The following ARMC5 variants were observed in gnomAD, a reference collection of about 807,000 sequenced individuals.
ARMC5 encodes armadillo repeat containing 5.
In ARMC5, 28 loss-of-function variants were observed where a neutral mutation model predicts 60.5. The ratio of observed to expected loss-of-function variants is 0.46; its 90% CI spans 0.34 to 0.63. The LOEUF (loss-of-function observed/expected upper bound fraction) is 0.63. Ranked by LOEUF, ARMC5 falls within the 30% of genes least tolerant of loss-of-function variation. ARMC5 has a pLI of 0.01. For missense variants in ARMC5, 1,189 were observed against 1,304.9 expected (o/e 0.91, Z 1.37); for synonymous variants, 680 against 607.3 (o/e 1.12, Z -1.76).
At chr16:31,465,743 C>T (rs1466891100) in intron 4 of ARMC5, 107 bp from the exon 5 acceptor site, 4 of 1,552,590 alleles carry the variant, frequency 2.6e-6, no homozygotes, top group Non-Finnish European at 3.4e-6. Context: ...CCTGATTTCT[C>T]ACCCAGAGGT....
upstream of ARMC5, chr16:31,458,472 T>C (rs1333589686): frequency 6.5e-7 from 1 of 1,535,676 alleles, no homozygotes; most frequent in Non-Finnish European, 8.7e-7. Flanking sequence ...CAGAGCCACA[T>C]CGGAAGCTTC....
At position 31,459,638 on chromosome 16, in the gene ARMC5, AC is replaced by A; in HGVS notation, c.118del (p.Leu40Ter). On this transcript the variant is annotated frameshift_variant, in exon 1 of 6. Transcript: ENST00000268314. LOFTEE classifies it high-confidence loss of function. Reference sequence around the variant, plus strand: ...AAAAGGACCCAGCGACCAACGAGACACCCCTGAGCCGCGCGCTCCTAGCCCT... The same window carrying A: ...AAAAGGACCCAGCGACCAACGAGACACCCTGAGCCGCGCGCTCCTAGCCCT... The part of the protein sequence containing the change: ...GEKDPATNET[P>X]LSRALLALRT... 1 of 1,587,782 alleles carries A rather than the reference AC, an allele frequency of 6.3e-7. No homozygotes were observed. The highest frequency in any genetic ancestry group is 2.2e-5 in the East Asian group (1 of 44,702).
At chr16:31,458,603 T>G, upstream of ARMC5, 1 of 1,455,398 alleles carries the variant, frequency 6.9e-7, no homozygotes, top group Non-Finnish European at 9.2e-7. Context: ...TTGGGGCTTG[T>G]AGACGGTTGC....
upstream of ARMC5, chr16:31,458,395 C>A: frequency 6.5e-7 from 1 of 1,535,690 alleles, no homozygotes; most frequent in Non-Finnish European, 8.7e-7. Context: ...AGGGCCGAAG[C>A]GATGGTCACA....
upstream of ARMC5, chr16:31,459,248 T>G: frequency 6.5e-7 from 1 of 1,533,184 alleles, no homozygotes; most frequent in Admixed American, 2.0e-5. Context: ...TGGAAGAGTT[T>G]CCAGCGCTTC....
chr16:31,462,234 C>T lies in ARMC5; in HGVS notation c.687C>T (p.His229=). ...GTAACCTGGCAGACTCACCCCAGCA[C>T]CGCCTGGCCTTGGCACAGCAGGGAG... is the stretch of plus-strand genomic sequence containing the variant. The part of the protein sequence containing the change: ...ALRNLADSPQ[H]RLALAQQGAV... The change falls in exon 3 of 6, where the codon CAC becomes CAT. Residue 229 remains histidine (H), a synonymous_variant. Coordinates refer to ENST00000268314, the MANE Select transcript of ARMC5 (RefSeq NM_001105247.2). The surrounding 1 kb of genome is among the most constrained non-coding windows in gnomAD (Gnocchi z 7.2). 1.2e-6 allele frequency: 2 copies of T among 1,610,430 alleles called. No individual in the cohort carries two copies. The highest frequency in any genetic ancestry group is 1.1e-5 in the South Asian group (1 of 91,084).
chr16:31,459,962 G>A lies in ARMC5; in HGVS notation c.438G>A (p.Arg146=), dbSNP rs201280100. ...ATTGCTGTACGGAAGGGGCGTGCCGGACCGAAGTGCGCAGACTCGGAGGCA... is the reference window on the plus strand; with the variant it reads ...ATTGCTGTACGGAAGGGGCGTGCCGAACCGAAGTGCGCAGACTCGGAGGCA... The part of the protein sequence containing the change: ...LADCCTEGAC[R]TEVRRLGGIL... The change falls in exon 1 of 6, where the codon CGG becomes CGA. Residue 146 remains arginine, a synonymous_variant. Transcript: ENST00000268314. 9.1e-3 allele frequency: 14,509 copies of A among 1,601,996 alleles called. 87 individuals carry two copies. Among genetic ancestry groups the A allele is most frequent in the Non-Finnish European group, 9.7e-3 (11,465 of 1,179,448 alleles).
upstream of ARMC5, chr16:31,458,340 G>C: frequency 6.8e-7 from 1 of 1,466,802 alleles, no homozygotes; most frequent in South Asian, 1.2e-5. Context: ...TGCTGGATCA[G>C]GTTGGAGCTG....
At position 31,459,895 on chromosome 16, in the gene ARMC5, G is replaced by A. The variant is rs1415588224; in HGVS notation, c.371G>A (p.Arg124His). 1 of 1,605,880 alleles carries A rather than the reference G, an allele frequency of 6.2e-7. No individual in the cohort carries two copies. Among genetic ancestry groups the A allele is most frequent in the Non-Finnish European group, 8.5e-7 (1 of 1,179,838 alleles). The change falls in exon 1 of 6, where the codon CGC becomes CAC. Residue 124 changes from arginine (R) to histidine (H), a missense_variant. Around this residue, in one of 2 missense-constraint regions of ARMC5, gnomAD observed 327 missense variants for 233.7 expected, o/e 1.40. Coordinates refer to ENST00000268314, the MANE Select transcript of ARMC5 (RefSeq NM_001105247.2). ...VSSSSPTPPV[R>H]LRKTLDLALS... ...TCGTCTAGTCCTACGCCGCCAGTGC[G>A]CCTGCGCAAGACGCTGGACTTGGCG...
chr16:31,459,654 C>A lies in ARMC5; in HGVS notation c.130C>A (p.Leu44Ile). The change falls in exon 1 of 6, where the codon CTC becomes ATC. Residue 44 changes from leucine to isoleucine, a missense_variant. Physicochemically the swap from Leu to Ile is conservative, Grantham distance 5. Around this residue, in one of 2 missense-constraint regions of ARMC5, gnomAD observed 327 missense variants for 233.7 expected, o/e 1.40. Transcript: ENST00000268314. ...ATNETPLSRA[L>I]LALRTRHIKA... ...CAACGAGACACCCCTGAGCCGCGCG[C>A]TCCTAGCCCTCCGCACGCGCCACAT... 1.9e-6 allele frequency: 3 copies of A among 1,584,378 alleles called. No homozygotes were observed. Among genetic ancestry groups the A allele is most frequent in the Non-Finnish European group, 2.6e-6 (3 of 1,173,346 alleles).
intron 4 of ARMC5, chr16:31,465,277 C>T: frequency 6.7e-7 from 1 of 1,500,022 alleles, no homozygotes; most frequent in Non-Finnish European, 8.9e-7. Flanking sequence ...ACTGCCCTGT[C>T]TGCTGTGCCC....
At chr16:31,461,103 C>G (rs1255384352) in intron 1 of ARMC5, among the ~76,000 whole-genome samples, 1 of 152,220 alleles carries the variant, frequency 6.6e-6, no homozygotes, top group African/African-American at 2.4e-5. Context: ...ATCTGCTTCT[C>G]TCTCTTCCTA....
At position 31,459,911 on chromosome 16, in the gene ARMC5, G is replaced by T; in HGVS notation, c.387G>T (p.Leu129=). 6.2e-7 allele frequency: 1 copy of T among 1,606,454 alleles called. No homozygotes were observed. ...CGCCAGTGCGCCTGCGCAAGACGCT[G>T]GACTTGGCGCTCAGCATCCTAGCCG... The part of the protein sequence containing the change: ...PTPPVRLRKT[L]DLALSILADC... The change falls in exon 1 of 6, where the codon CTG becomes CTT. Residue 129 remains leucine, a synonymous_variant. Transcript: ENST00000268314.
chr16:31,462,807 G>A lies in ARMC5; in HGVS notation c.1260G>A (p.Leu420=), dbSNP rs1283395786. ...LGLVPLLAGQ[L]CGEAGEEEEE... is the part of the protein sequence containing the mutation. ...TTGTGCCTCTCCTGGCTGGGCAGCT[G>A]TGTGGTGAGGCTGGTGAGGAGGAAG... Residue 420 remains leucine, a synonymous_variant, in exon 3 of 6, where the codon CTG becomes CTA. Transcript: ENST00000268314. The surrounding 1 kb of genome is among the most constrained non-coding windows in gnomAD (Gnocchi z 7.2). The A allele has an allele frequency of 2.5e-6, 4 of 1,613,950 alleles. No homozygotes were observed. Among genetic ancestry groups the A allele is most frequent in the Non-Finnish European group, 2.5e-6 (3 of 1,180,034 alleles).
Position 31,461,973 on chromosome 16 carries a change from G to A in ARMC5, c.527G>A (p.Arg176His), listed in dbSNP as rs1168751278. Reference sequence around the variant, plus strand: ...GACAGCATCCAGAACCGAACGGCCCGTGCCCTGGGGAACTTAGCCATGGAA... The same window carrying A: ...GACAGCATCCAGAACCGAACGGCCCATGCCCTGGGGAACTTAGCCATGGAA... ...KTDSIQNRTA[R>H]ALGNLAMEPE... The change falls in exon 2 of 6, where the codon CGT becomes CAT. Residue 176 changes from arginine to histidine, a missense_variant. Physicochemically the swap from Arg to His is conservative, Grantham distance 29. Coordinates refer to ENST00000268314, the MANE Select transcript of ARMC5 (RefSeq NM_001105247.2). 12 of 1,614,186 alleles carry A rather than the reference G, an allele frequency of 7.4e-6. No individual in the cohort carries two copies. The highest frequency in any genetic ancestry group is 1.3e-5 in the African/African-American group (1 of 75,038).
upstream of ARMC5, chr16:31,458,446 T>C: frequency 6.5e-7 from 1 of 1,535,728 alleles, no homozygotes; most frequent in Non-Finnish European, 8.7e-7. Flanking sequence ...GTGTACCCAG[T>C]GGTGCTTAAC....
In ARMC5 at chr16:31,465,951, G is replaced by T. The variant is rs753088639; in HGVS notation, c.1966G>T (p.Ala656Ser). The change falls in exon 5 of 6, where the codon GCC becomes TCC. Residue 656 changes from alanine to serine, a missense_variant. Ala to Ser is a moderately conservative substitution (Grantham distance 99, BLOSUM62 1). Coordinates refer to ENST00000268314, the MANE Select transcript of ARMC5 (RefSeq NM_001105247.2). ...CTCTGGGAGCCCTGAGGACCGAGTG[G>T]CCTGCGCGCTGACCCTGCCCTTCAT... ...LLSGSPEDRV[A>S]CALTLPFICR... 27 of 1,606,046 alleles carry T rather than the reference G, an allele frequency of 1.7e-5. No homozygotes were observed. In the East Asian group the frequency reaches 5.6e-4, roughly 33 times the overall value.
Position 31,459,818 on chromosome 16 carries a change from G to A in ARMC5, c.294G>A (p.Ser98=), listed in dbSNP as rs372292806. The A allele has an allele frequency of 6.5e-7, 1 of 1,548,982 alleles. No individual in the cohort carries two copies. Residue 98 remains serine, a synonymous_variant, in exon 1 of 6, where the codon TCG becomes TCA. Coordinates refer to ENST00000268314, the MANE Select transcript of ARMC5 (RefSeq NM_001105247.2). ...GPGSAPSSAA[S]GASSPAPASG... ...GCTCCGCCCCCTCGTCGGCCGCGTC[G>A]GGAGCTTCTAGCCCCGCCCCCGCGT...
chr16:31,458,515 C>T (rs1428309027), upstream of ARMC5: 2 of 1,534,792 alleles, frequency 1.3e-6, no homozygotes, highest in East Asian at 2.4e-5. Flanking sequence ...AGGCTTGTCA[C>T]CAGAGGGGCT....
Sources: allele counts gnomAD v4.1 joint callset (sites outside exome capture counted in the v4.1 genomes callset), GRCh38; gene constraint gnomAD v4.1.1; regional missense constraint gnomAD v4.1.1; non-coding constraint Gnocchi (gnomAD v3.1); transcripts MANE v1.5; gene names NCBI Gene and HGNC (gene_info 2026-07-23, HGNC 2026-07-21).